RAB28: variants seen among roughly 807,000 people sequenced by gnomAD.
RAB28 encodes ras-related protein Rab-28.
RAB28 carries 24 observed loss-of-function variants against 31.7 expected under a neutral mutation model. That is an observed-to-expected ratio of 0.76 (90% CI 0.55 to 1.06). RAB28 has a LOEUF of 1.06. Among genes scored for constraint, RAB28 ranks in the 50% least tolerant of loss-of-function variants. The pLI is 0.00. For missense variants in RAB28, 254 were observed against 258.5 expected, an observed-to-expected ratio of 0.98 and a Z score of 0.12; for synonymous variants, 100 against 90.4, an observed-to-expected ratio of 1.11 and a Z score of -0.60.
chr4:13,399,375 T>C (rs1711616476), intron 4 of RAB28, among the ~76,000 whole-genome samples: 1 of 152,250 alleles, frequency 6.6e-6, no homozygotes, highest in Non-Finnish European at 1.5e-5. Flanking sequence ...TGTTCCCAAC[T>C]GTTAAGATAC....
chr4:13,370,067 C>T (rs1728662764), intron 6 of RAB28: 1 of 1,458,724 alleles, frequency 6.9e-7, no homozygotes, highest in Non-Finnish European at 9.0e-7. Flanking sequence ...AAGGAAACAC[C>T]AAAGTAGAAA....
chr4:13,483,287 C>T (rs1716698022), intron 1 of RAB28, among the ~76,000 whole-genome samples: 1 of 152,116 alleles, frequency 6.6e-6, no homozygotes, highest in Non-Finnish European at 1.5e-5. Flanking sequence ...GATATTCTCA[C>T]GCCCGCATTC....
intron 4 of RAB28, among the ~76,000 whole-genome samples, chr4:13,457,281 T>G (rs1251560132): frequency 6.6e-6 from 1 of 152,108 alleles, no homozygotes; most frequent in Non-Finnish European, 1.5e-5. Context: ...ATTATATCCC[T>G]CCCAAAAGAA....
chr4:13,482,936 G>C (rs1381877673), intron 1 of RAB28, among the ~76,000 whole-genome samples: 2 of 152,124 alleles, frequency 1.3e-5, no homozygotes, highest in East Asian at 1.9e-4. Flanking sequence ...GAGAAACCAG[G>C]GTCCGAAATG....
chr4:13,442,878 CAGTT>C (rs944972828), intron 4 of RAB28, among the ~76,000 whole-genome samples: 3 of 152,158 alleles, frequency 2.0e-5, no homozygotes, highest in African/African-American at 7.2e-5. Flanking sequence ...CACAGTCACA[CAGTT>C]AGTAACTGAA....
At chr4:13,371,329 T>C (rs1728704560) in intron 6 of RAB28, 19 of 985,298 alleles carry the variant, frequency 1.9e-5, no homozygotes, top group Non-Finnish European at 2.0e-5. Flanking sequence ...TGTATACCAT[T>C]ATCTAACCTC....
intron 6 of RAB28, among the ~76,000 whole-genome samples, chr4:13,373,815 G>C (rs1728811183): frequency 6.6e-6 from 1 of 152,038 alleles, no homozygotes; most frequent in Non-Finnish European, 1.5e-5. Context: ...AATGGGACTG[G>C]TGAGTCTGCC....
At chr4:13,404,354 G>T (rs1189905316) in intron 4 of RAB28, among the ~76,000 whole-genome samples, 2 of 151,962 alleles carry the variant, frequency 1.3e-5, no homozygotes, top group African/African-American at 4.8e-5. Flanking sequence ...CTCCAGCCTG[G>T]GCAACAAGAG....
At chr4:13,393,608 C>T (rs1729740769) in intron 4 of RAB28, among the ~76,000 whole-genome samples, 1 of 151,834 alleles carries the variant, frequency 6.6e-6, no homozygotes, top group Non-Finnish European at 1.5e-5. Flanking sequence ...AGAATCTATT[C>T]AAAAGAAAAT....
chr4:13,414,740 CA>C (rs150030959), intron 4 of RAB28, among the ~76,000 whole-genome samples: 1 of 151,936 alleles, frequency 6.6e-6, no homozygotes, highest in African/African-American at 2.4e-5. Context: ...TATGCTGTGA[CA>C]AAAAAAGTTT....
intron 4 of RAB28, among the ~76,000 whole-genome samples, chr4:13,398,423 G>A (rs1315674373): frequency 6.6e-6 from 1 of 152,030 alleles, no homozygotes; most frequent in Admixed American, 6.6e-5. Flanking sequence ...ATAAAAAAAA[G>A]AGTGTATTTG....
intron 4 of RAB28, among the ~76,000 whole-genome samples, chr4:13,428,602 T>C (rs896143492): frequency 6.6e-6 from 1 of 152,094 alleles, no homozygotes. Context: ...TGAAGATAGA[T>C]CGGTTGAGAT....
At chr4:13,398,929 C>CAAAGT (rs145304138) in intron 4 of RAB28, among the ~76,000 whole-genome samples, 11,264 of 151,986 alleles carry the variant, frequency 0.074, 729 homozygotes, top group African/African-American at 0.18. Flanking sequence ...AAAGTAACAA[C>CAAAGT]AAAGAGTAAA....
chr4:13,447,891 C>T (rs1714778505), intron 4 of RAB28, among the ~76,000 whole-genome samples: 1 of 152,046 alleles, frequency 6.6e-6, no homozygotes, highest in Admixed American at 6.5e-5. Flanking sequence ...AAATTAAATG[C>T]TCTTAAAACT....
chr4:13,473,980 TCA>T, intron 3 of RAB28: 1 of 372,136 alleles, frequency 2.7e-6, no homozygotes, highest in Admixed American at 3.9e-5. Flanking sequence ...TGTTTTTCAT[TCA>T]GTTTATTTGA....
At chr4:13,472,066 T>A (rs1450855614) in intron 3 of RAB28, among the ~76,000 whole-genome samples, 25 of 152,088 alleles carry the variant, frequency 1.6e-4, no homozygotes, top group Admixed American at 1.6e-3. Flanking sequence ...ACATAAAATA[T>A]ATACTGTCAA....
intron 4 of RAB28, among the ~76,000 whole-genome samples, chr4:13,383,924 G>A (rs1347903840): frequency 6.6e-6 from 1 of 152,112 alleles, no homozygotes; most frequent in East Asian, 1.9e-4. Flanking sequence ...GCCCTCTCCT[G>A]AGGTCCCAGC....
intron 4 of RAB28, among the ~76,000 whole-genome samples, chr4:13,424,728 T>C (rs1332827886): frequency 6.6e-6 from 1 of 152,184 alleles, no homozygotes; most frequent in Non-Finnish European, 1.5e-5. Flanking sequence ...TATGAACCAA[T>C]AAGTGATCCA....
Position 13,484,097 on chromosome 4 carries a change from C to A in RAB28, c.54G>T (p.Leu18=). ...TGACCTTCCCGGAGGCGCCGTCCCC[C>A]AGCACGACGATTTTCAGTTGCCGGT... ...SQDRQLKIVV[L]GDGASGKTSL... The change falls in exon 1 of 7, where the codon CTG becomes CTT. Residue 18 remains leucine (L), a synonymous_variant. Coordinates refer to ENST00000330852, the MANE Select transcript of RAB28 (RefSeq NM_001017979.3). 2 of 1,602,254 alleles carry A rather than the reference C, an allele frequency of 1.2e-6. No individual in the cohort carries two copies. The highest frequency in any genetic ancestry group is 1.7e-6 in the Non-Finnish European group (2 of 1,174,872).
Sources: allele counts gnomAD v4.1 joint callset (sites outside exome capture counted in the v4.1 genomes callset), GRCh38; gene constraint gnomAD v4.1.1; transcripts MANE v1.5; gene names NCBI Gene and HGNC (gene_info 2026-07-23, HGNC 2026-07-21).